Variants in LIMCH1 observed in about 807,000 individuals in gnomAD.
LIMCH1 encodes LIM and calponin homology domains-containing protein 1.
LIMCH1 carries 113 observed loss-of-function variants against 176.5 expected under a neutral mutation model. That is an observed-to-expected ratio of 0.64 (90% CI 0.55 to 0.75). The LOEUF is 0.75. LIMCH1 is among the 30% of genes least tolerant of loss of function. The pLI is 0.00. For synonymous variants in LIMCH1, 619 were observed against 645.9 expected (o/e 0.96, Z 0.63); for missense variants, 1,674 against 1,814.9 (o/e 0.92, Z 1.41).
intron 1 of LIMCH1, among the ~76,000 whole-genome samples, chr4:41,432,528 C>T (rs147710287): frequency 2.6e-5 from 4 of 152,300 alleles, no homozygotes; most frequent in African/African-American, 9.6e-5. Context: ...ATTATTCTCT[C>T]ATTTTTCTCA....
At chr4:41,419,709 T>TTCCTCCTTCCTTCCTTCCG (rs2060435496) in intron 1 of LIMCH1, among the ~76,000 whole-genome samples, 1 of 116,602 alleles carries the variant, frequency 8.6e-6, no homozygotes, top group African/African-American at 4.5e-5. Context: ...CCTTCCTTCC[T>TTCCTCCTTCCTTCCTTCCG]TCCTTCCTTC....
intron 1 of LIMCH1, chr4:41,389,459 C>T (rs190552422): frequency 1.5e-5 from 3 of 201,772 alleles, no homozygotes; most frequent in Middle Eastern, 2.9e-3. Flanking sequence ...TGATCTTTAG[C>T]CAGAGAACTC....
At chr4:41,686,271 G>A (rs1176111659) in intron 28 of LIMCH1, among the ~76,000 whole-genome samples, 3 of 152,064 alleles carry the variant, frequency 2.0e-5, no homozygotes, top group Non-Finnish European at 4.4e-5. Context: ...AGTTTCTATC[G>A]TGTTTGAACC....
chr4:41,514,233 AG>A (rs2075321637), intron 2 of LIMCH1, among the ~76,000 whole-genome samples: 1 of 152,064 alleles, frequency 6.6e-6, no homozygotes, highest in African/African-American at 2.4e-5. Context: ...AGTTACAGAG[AG>A]GACTAACCCT....
At chr4:41,596,881 C>G (rs1282329896) in intron 1 of LIMCH1, among the ~76,000 whole-genome samples, 1 of 152,162 alleles carries the variant, frequency 6.6e-6, no homozygotes, top group African/African-American at 2.4e-5. Flanking sequence ...TGAAAAAAGA[C>G]CTAGGCTTTA....
intron 1 of LIMCH1, among the ~76,000 whole-genome samples, chr4:41,414,542 G>A (rs1397330747): frequency 6.6e-6 from 1 of 152,102 alleles, no homozygotes; most frequent in African/African-American, 2.4e-5. Context: ...CTGTAAATCC[G>A]TATGTCAGAT....
chr4:41,561,035 A>T (rs754897126), intron 1 of LIMCH1, among the ~76,000 whole-genome samples: 1 of 152,132 alleles, frequency 6.6e-6, no homozygotes, highest in Non-Finnish European at 1.5e-5. Context: ...AAACAAACCA[A>T]ACAAACCAAA....
chr4:41,568,802 A>T (rs1334915573), intron 1 of LIMCH1, among the ~76,000 whole-genome samples: 4 of 152,170 alleles, frequency 2.6e-5, no homozygotes, highest in Non-Finnish European at 5.9e-5. Context: ...AACATTTAAA[A>T]GTTTTCTCTC....
At chr4:41,427,940 T>C (rs1268711864) in intron 1 of LIMCH1, among the ~76,000 whole-genome samples, 1 of 137,538 alleles carries the variant, frequency 7.3e-6, no homozygotes, top group African/African-American at 3.1e-5. Context: ...GTGCATCTAT[T>C]TGGAAAAAAA....
rs769827569 is a variant in LIMCH1, at chr4:41,619,389, G to A, written c.407G>A (p.Arg136His). Residue 136 changes from arginine (R) to histidine (H), a missense_variant, in exon 6 of 32, where the codon CGC (arginine) becomes CAC (histidine). Coordinates refer to ENST00000503057, the MANE Select transcript of LIMCH1 (RefSeq NM_001330672.2). ...RKKKAEREEY[R>H]KSWSTATSPL... ...AAGAAAGCAGAGAGAGAGGAATACC[G>A]CAAGAGCTGGAGTACCGCCACCTCC... 7 of 1,613,388 alleles carry A rather than the reference G, an allele frequency of 4.3e-6. No homozygotes were observed. The highest frequency in any genetic ancestry group is 4.5e-5 in the East Asian group (2 of 44,884).
chr4:41,395,326 G>A (rs1248552710), intron 1 of LIMCH1, among the ~76,000 whole-genome samples: 1 of 145,548 alleles, frequency 6.9e-6, no homozygotes, highest in Non-Finnish European at 1.5e-5. Context: ...TCCACCTCCC[G>A]GGTTCAAGCA....
chr4:41,508,782 A>T (rs547953506), intron 2 of LIMCH1, among the ~76,000 whole-genome samples: 3 of 152,322 alleles, frequency 2.0e-5, no homozygotes, highest in African/African-American at 7.2e-5. Flanking sequence ...GTATGTCCCC[A>T]GTAGATATCA....
chr4:41,360,921 G>A lies in LIMCH1; in HGVS notation c.81G>A (p.Ala27=). ...CCCCCGAGCCCGCCTTCTCCGAGGC[G>A]CAGAAGTGGATTGAGGTAGGTGCGG... The change falls in exon 1 of 27, where the codon GCG becomes GCA. Residue 27 remains alanine (A), a synonymous_variant. Transcript: ENST00000313860. The surrounding 1 kb of genome is among the most constrained non-coding windows in gnomAD (Gnocchi z 4.5). The A allele has an allele frequency of 6.3e-7, 1 of 1,584,004 alleles. No individual in the cohort carries two copies. Among genetic ancestry groups the A allele is most frequent in the Non-Finnish European group, 8.6e-7 (1 of 1,168,386 alleles).
chr4:41,598,537 A>C (rs2089339610), intron 1 of LIMCH1, among the ~76,000 whole-genome samples: 1 of 152,070 alleles, frequency 6.6e-6, no homozygotes, highest in Non-Finnish European at 1.5e-5. Flanking sequence ...TTAAAAAAAA[A>C]AGAAAGAAAA....
At chr4:41,410,154 C>T (rs1242724805) in intron 1 of LIMCH1, among the ~76,000 whole-genome samples, 7 of 152,212 alleles carry the variant, frequency 4.6e-5, no homozygotes, top group Non-Finnish European at 8.8e-5. Flanking sequence ...AGAGTCAGGG[C>T]TGATTTTAGC....
At chr4:41,644,413 G>C in intron 14 of LIMCH1, 87 bp from the exon 15 acceptor site, 1 of 1,390,288 alleles carries the variant, frequency 7.2e-7, no homozygotes, top group Non-Finnish European at 9.4e-7. Context: ...GCCCGGTAGC[G>C]CCCCCACGCG....
chr4:41,587,254 T>C lies in LIMCH1; in HGVS notation c.-240-11666T>C, dbSNP rs138093373. Among the ~76,000 whole-genome samples, 241 of 152,338 alleles carry C rather than the reference T, an allele frequency of 1.6e-3. 5 individuals carry two copies. In the East Asian group the frequency reaches 0.043, roughly 27 times the overall value. On this transcript the variant is annotated intron_variant, in intron 1 of 31. Transcript: ENST00000503057. The stretch of plus-strand genomic sequence containing the variant: ...CCAGTATTGATAGTTTTGTCTGCCC[T>C]AGGGAGTCTCATTTTCCTTCTTTTG...
chr4:41,566,912 G>A (rs760167250), intron 1 of LIMCH1, among the ~76,000 whole-genome samples: 3 of 152,072 alleles, frequency 2.0e-5, no homozygotes, highest in African/African-American at 7.2e-5. Context: ...GCCTAGACTG[G>A]GCAGCTTCAT....
chr4:41,689,301 T>C (rs1303187303), intron 29 of LIMCH1, among the ~76,000 whole-genome samples: 1 of 152,192 alleles, frequency 6.6e-6, no homozygotes, highest in African/African-American at 2.4e-5. Context: ...ACGCACCAGA[T>C]TCAGTACCAC....
Sources: gnomAD v4.1 joint callset for allele counts (sites outside exome capture counted in the v4.1 genomes callset) on GRCh38, gnomAD v4.1.1 for gene constraint, Gnocchi (gnomAD v3.1) non-coding constraint, MANE v1.5 for transcripts, NCBI Gene and HGNC (gene_info 2026-07-23, HGNC 2026-07-21) for gene names.